The following GNA14 variants were observed in gnomAD, a reference collection of about 807,000 sequenced individuals.
GNA14 encodes the protein guanine nucleotide-binding protein subunit alpha-14.
Under a neutral mutation model 42.0 loss-of-function variants are expected in GNA14, and 50 were observed. That is an observed-to-expected ratio of 1.19 (90% CI 0.95 to 1.51). The LOEUF is 1.51. GNA14 is among the 40% of genes most tolerant of loss of function. The pLI is 0.00. For missense variants in GNA14, 473 were observed against 446.2 expected (o/e 1.06, Z -0.54); for synonymous variants, 173 against 163.1 (o/e 1.06, Z -0.46).
chr9:77,597,410 G>A (rs116460158), intron 1 of GNA14, among the ~76,000 whole-genome samples: 224 of 152,100 alleles, frequency 1.5e-3, no homozygotes, highest in African/African-American at 5.1e-3. Context: ...AGCCTTGAGT[G>A]GACACAGTAT....
intron 1 of GNA14, among the ~76,000 whole-genome samples, chr9:77,569,744 G>A (rs1004116376): frequency 1.3e-5 from 2 of 151,844 alleles, no homozygotes; most frequent in African/African-American, 4.8e-5. Context: ...AGGGTAGTAG[G>A]GATATGTTTT....
chr9:77,469,196 T>C lies in GNA14; in HGVS notation c.310-34674A>G, dbSNP rs111742441. Among the ~76,000 whole-genome samples, 530 of 152,150 alleles carry C rather than the reference T, an allele frequency of 3.5e-3. 4 individuals are homozygous for C. Among genetic ancestry groups the C allele is most frequent in the South Asian group, 0.015 (74 of 4,820 alleles). On this transcript the variant is annotated intron_variant, in intron 2 of 6. Transcript: ENST00000341700. ...TATCAGTTCCCTCTCTTCCTTCTTATGAGACCTATCATTCATCCATCCAGA... is the reference window on the plus strand; with the variant it reads ...TATCAGTTCCCTCTCTTCCTTCTTACGAGACCTATCATTCATCCATCCAGA...
chr9:77,568,130 A>G (rs565303180), intron 1 of GNA14, among the ~76,000 whole-genome samples: 1 of 152,216 alleles, frequency 6.6e-6, no homozygotes, highest in East Asian at 1.9e-4. Context: ...GTCCTGGCTC[A>G]CCTAGCATAG....
intron 2 of GNA14, among the ~76,000 whole-genome samples, chr9:77,469,048 A>G (rs1373025409): frequency 1.3e-5 from 2 of 152,212 alleles, no homozygotes; most frequent in Non-Finnish European, 2.9e-5. Flanking sequence ...TAGCACGTCC[A>G]CAAGGTGCTG....
chr9:77,603,748 G>A (rs752636881), intron 1 of GNA14, among the ~76,000 whole-genome samples: 12 of 151,838 alleles, frequency 7.9e-5, no homozygotes, highest in Admixed American at 3.9e-4. Flanking sequence ...GGCAGATCAC[G>A]AGGTCAGGAG....
At chr9:77,521,634 T>C (rs1375525171) in intron 2 of GNA14, among the ~76,000 whole-genome samples, 2 of 152,168 alleles carry the variant, frequency 1.3e-5, no homozygotes, top group African/African-American at 4.8e-5. Context: ...AAGGGCTTTC[T>C]GGTGTTAGAA....
intron 2 of GNA14, among the ~76,000 whole-genome samples, chr9:77,480,114 T>A (rs953915589): frequency 6.6e-6 from 1 of 152,120 alleles, no homozygotes; most frequent in African/African-American, 2.4e-5. Context: ...AGAGAGGGCA[T>A]CCCTGTCTTG....
chr9:77,478,499 T>C (rs955712280), intron 2 of GNA14, among the ~76,000 whole-genome samples: 2 of 152,174 alleles, frequency 1.3e-5, no homozygotes, highest in African/African-American at 4.8e-5. Flanking sequence ...CATGTGCATG[T>C]GTCTTTATAG....
intron 1 of GNA14, among the ~76,000 whole-genome samples, chr9:77,586,071 A>C (rs1272557780): frequency 6.6e-6 from 1 of 152,122 alleles, no homozygotes; most frequent in Non-Finnish European, 1.5e-5. Context: ...CCCAGGCTAC[A>C]ACAGCCGCGC....
intron 1 of GNA14, among the ~76,000 whole-genome samples, chr9:77,542,023 A>AT (rs1837667019): frequency 6.6e-6 from 1 of 151,760 alleles, no homozygotes; most frequent in Non-Finnish European, 1.5e-5. Context: ...AATCTTTGAG[A>AT]TTTTGTGAAT....
intron 2 of GNA14, among the ~76,000 whole-genome samples, chr9:77,441,708 A>G (rs1025156727): frequency 1.5e-4 from 23 of 152,128 alleles, no homozygotes; most frequent in Admixed American, 5.9e-4. Flanking sequence ...TGAGATTAAG[A>G]TAAAATATAT....
chr9:77,524,049 T>C (rs533328687), intron 2 of GNA14, among the ~76,000 whole-genome samples: 1 of 152,328 alleles, frequency 6.6e-6, no homozygotes, highest in East Asian at 1.9e-4. Context: ...ACCCTGCCAC[T>C]GAGCAAATGC....
chr9:77,636,085 T>C (rs1228908401), intron 1 of GNA14, among the ~76,000 whole-genome samples: 1 of 152,208 alleles, frequency 6.6e-6, no homozygotes, highest in African/African-American at 2.4e-5. Flanking sequence ...ACTAAATGGA[T>C]TAGAAGATAA....
chr9:77,428,394 T>A (rs1172553408), intron 5 of GNA14, among the ~76,000 whole-genome samples: 4 of 152,156 alleles, frequency 2.6e-5, no homozygotes, highest in Non-Finnish European at 5.9e-5. Flanking sequence ...ATGGCATTTT[T>A]AAAAACCTCG....
chr9:77,616,353 G>A (rs1823817663), intron 1 of GNA14, among the ~76,000 whole-genome samples: 1 of 152,326 alleles, frequency 6.6e-6, no homozygotes, highest in South Asian at 2.1e-4. Context: ...CATGGCATGG[G>A]CACTGACTAA....
chr9:77,582,347 C>G (rs1411067537), intron 1 of GNA14, among the ~76,000 whole-genome samples: 1 of 152,120 alleles, frequency 6.6e-6, no homozygotes, highest in Non-Finnish European at 1.5e-5. Flanking sequence ...CCACCTTCAT[C>G]CCTATCCTCT....
intron 2 of GNA14, among the ~76,000 whole-genome samples, chr9:77,490,474 A>G (rs938739120): frequency 1.3e-4 from 20 of 152,360 alleles, no homozygotes; most frequent in African/African-American, 4.8e-4. Context: ...ACAGGAACCC[A>G]TGGAGGCAAG....
At chr9:77,454,152 C>A (rs947201021) in intron 2 of GNA14, among the ~76,000 whole-genome samples, 2 of 152,204 alleles carry the variant, frequency 1.3e-5, no homozygotes, top group African/African-American at 4.8e-5. Context: ...CCACCCCACA[C>A]CCCCGGCTCC....
intron 1 of GNA14, among the ~76,000 whole-genome samples, chr9:77,593,445 G>A (rs1196389841): frequency 6.6e-6 from 1 of 151,558 alleles, no homozygotes; most frequent in East Asian, 1.9e-4. Flanking sequence ...CAAGTAACTG[G>A]GATTACAGGC....
Sources: allele counts gnomAD v4.1 joint callset (sites outside exome capture counted in the v4.1 genomes callset), GRCh38; gene constraint gnomAD v4.1.1; transcripts MANE v1.5; gene names NCBI Gene and HGNC (gene_info 2026-07-23, HGNC 2026-07-21).